RAB11FIP4: variants seen among roughly 807,000 people sequenced by gnomAD.
The protein encoded by RAB11FIP4 is RAB11 family interacting protein 4, also known as rab11 family-interacting protein 4.
RAB11FIP4 carries 23 observed loss-of-function variants against 74.3 expected under a neutral mutation model. The ratio of observed to expected loss-of-function variants is 0.31; its 90% confidence interval spans 0.22 to 0.44. The LOEUF (loss-of-function observed/expected upper bound fraction) is 0.44. RAB11FIP4 is among the 20% of genes least tolerant of loss of function. The probability of loss-of-function intolerance (pLI) is 1.00; values close to 1 mark genes in which losing one functional copy is unlikely to be tolerated. For missense variants in RAB11FIP4, 630 were observed against 863.9 expected, an observed-to-expected ratio of 0.73 and a Z score of 3.39; for synonymous variants, 360 against 359.9, an observed-to-expected ratio of 1.00 and a Z score of 0.00.
intron 3 of RAB11FIP4, among the ~76,000 whole-genome samples, chr17:31,438,502 C>T (rs2071380516): frequency 6.6e-6 from 1 of 152,070 alleles, no homozygotes; most frequent in Non-Finnish European, 1.5e-5. Flanking sequence ...TCCCCACTCA[C>T]CCCTGCCTCC....
intron 3 of RAB11FIP4, among the ~76,000 whole-genome samples, chr17:31,468,894 G>A (rs1013216969): frequency 5.9e-5 from 9 of 152,028 alleles, no homozygotes; most frequent in Non-Finnish European, 1.3e-4. Flanking sequence ...TGAACACACT[G>A]GCAGGGCCCC....
chr17:31,431,603 G>A (rs904495283), intron 1 of RAB11FIP4: 9 of 515,424 alleles, frequency 1.7e-5, no homozygotes, highest in Middle Eastern at 5.0e-4. Context: ...GGGAGGAGCC[G>A]GTGTTGGCTC....
At chr17:31,426,614 T>TC (rs1455087196) in intron 1 of RAB11FIP4, among the ~76,000 whole-genome samples, 7 of 150,978 alleles carry the variant, frequency 4.6e-5, no homozygotes, top group Admixed American at 1.3e-4. Context: ...TTTTTTTTTT[T>TC]TGAGACGGAA....
At chr17:31,427,567 TC>T (rs1236362082) in intron 1 of RAB11FIP4, among the ~76,000 whole-genome samples, 2 of 152,184 alleles carry the variant, frequency 1.3e-5, no homozygotes, top group Non-Finnish European at 2.9e-5. Context: ...ATCCCTGCAC[TC>T]CTGCCTCCTA....
intron 1 of RAB11FIP4, among the ~76,000 whole-genome samples, chr17:31,404,139 C>T (rs977966283): frequency 6.6e-6 from 1 of 152,248 alleles, no homozygotes; most frequent in African/African-American, 2.4e-5. Flanking sequence ...AGGTAATCCT[C>T]TGCAGGCCCA....
chr17:31,495,154 G>T (rs1295746638), intron 3 of RAB11FIP4, among the ~76,000 whole-genome samples: 1 of 152,190 alleles, frequency 6.6e-6, no homozygotes, highest in Admixed American at 6.5e-5. Context: ...TGAGGCTCTG[G>T]CTGGCCACAA....
At chr17:31,425,587 A>G (rs1014295130) in intron 1 of RAB11FIP4, among the ~76,000 whole-genome samples, 5 of 152,092 alleles carry the variant, frequency 3.3e-5, no homozygotes, top group Admixed American at 3.3e-4. Context: ...GAGTGGGGGG[A>G]AAAAATCAGC....
chr17:31,505,584 AATAATTATAT>A (rs2072320806), intron 3 of RAB11FIP4, among the ~76,000 whole-genome samples: 2 of 79,552 alleles, frequency 2.5e-5, no homozygotes, highest in East Asian at 2.9e-4. Flanking sequence ...AATATATAAT[AATAATTATAT>A]ATTATATAAT....
chr17:31,437,042 G>C (rs977509209), intron 3 of RAB11FIP4, among the ~76,000 whole-genome samples: 1 of 151,892 alleles, frequency 6.6e-6, no homozygotes, highest in African/African-American at 2.4e-5. Context: ...CACCCGCCTC[G>C]GCCTCCCAAT....
chr17:31,438,550 G>A (rs1597917024), intron 3 of RAB11FIP4, among the ~76,000 whole-genome samples: 1 of 151,918 alleles, frequency 6.6e-6, no homozygotes, highest in East Asian at 1.9e-4. Flanking sequence ...CTGACCGGGC[G>A]TCCTCCTGTC....
In RAB11FIP4 at chr17:31,421,353, G is replaced by A. The variant is rs776267689; in HGVS notation, c.160-10460G>A. ...CGTGCTTCAGCCTCTCAAGTAGCTG[G>A]GATTATAGGCACAGGACACCATGCC... On this transcript the variant is annotated intron_variant, in intron 1 of 14. Transcript: ENST00000621161. Among the ~76,000 whole-genome samples, 341 of 151,786 alleles carry A rather than the reference G, an allele frequency of 2.2e-3. 2 individuals are homozygous for A. Among genetic ancestry groups the A allele is most frequent in the Non-Finnish European group, 3.2e-3 (216 of 67,972 alleles).
chr17:31,445,568 ATATATATATATTTTTTTT>A lies in RAB11FIP4; in HGVS notation c.336+11448_336+11465del, dbSNP rs1358454249. On this transcript the variant is annotated intron_variant, in intron 3 of 14. Coordinates refer to ENST00000621161, the MANE Select transcript of RAB11FIP4 (RefSeq NM_032932.6). ...TATATATATATATATATATATATAT[ATATATATATATTTTTTTT>A]TTTTTTTTTTTTTTTTTGACACGGA... 3.7e-3 allele frequency among the ~76,000 whole-genome samples: 47 copies of A among 12,678 alleles called. 2 individuals are homozygous for A. The highest frequency in any genetic ancestry group is 0.024 in the South Asian group (5 of 210). The allele number at this position is 12,678 out of a possible 152,430, so 8.3% of individuals were successfully genotyped here. A position where few individuals can be genotyped will look rare whatever the true frequency, so the allele number is the denominator to read the frequency against.
intron 3 of RAB11FIP4, chr17:31,488,519 C>T: frequency 3.7e-6 from 1 of 272,374 alleles, no homozygotes. Context: ...TGGGGCGCCT[C>T]CCTGGGGACC....
intron 3 of RAB11FIP4, among the ~76,000 whole-genome samples, chr17:31,507,427 G>C (rs1299194911): frequency 2.0e-5 from 3 of 152,144 alleles, no homozygotes; most frequent in Admixed American, 6.5e-5. Context: ...GTTTTGATTT[G>C]TGTTTCCCTG....
intron 3 of RAB11FIP4, among the ~76,000 whole-genome samples, chr17:31,516,805 CA>C (rs1407910212): frequency 6.6e-6 from 1 of 152,196 alleles, no homozygotes; most frequent in Non-Finnish European, 1.5e-5. Context: ...GGGATGGGAG[CA>C]GGCCCAAGCA....
At chr17:31,491,198 C>A (rs571726077) in intron 3 of RAB11FIP4, among the ~76,000 whole-genome samples, 1 of 152,348 alleles carries the variant, frequency 6.6e-6, no homozygotes, top group South Asian at 2.1e-4. Context: ...GTCTCCCTCA[C>A]CAGGAGGCGT....
At chr17:31,392,108 G>A (rs2070878983) in intron 1 of RAB11FIP4, 97 bp downstream of exon 1, 1 of 966,474 alleles carries the variant, frequency 1.0e-6, no homozygotes, top group Admixed American at 4.8e-5. Flanking sequence ...GTGGCCCGAG[G>A]CGGTGGCCTC....
chr17:31,496,342 A>G (rs1377238599), intron 3 of RAB11FIP4, among the ~76,000 whole-genome samples: 4 of 152,170 alleles, frequency 2.6e-5, no homozygotes, highest in Admixed American at 1.3e-4. Context: ...CACAGTTGTC[A>G]TGGCTGTGTG....
intron 1 of RAB11FIP4, among the ~76,000 whole-genome samples, chr17:31,409,749 G>A (rs947788099): frequency 5.3e-5 from 8 of 152,168 alleles, no homozygotes; most frequent in Non-Finnish European, 7.3e-5. Context: ...ACAGTACTGG[G>A]TTTATAGTGT....
Sources: gnomAD v4.1 joint callset for allele counts (sites outside exome capture counted in the v4.1 genomes callset) on GRCh38, gnomAD v4.1.1 for gene constraint, MANE v1.5 for transcripts, NCBI Gene and HGNC (gene_info 2026-07-23, HGNC 2026-07-21) for gene names.